The following LRP1B variants were observed in gnomAD, a reference collection of about 807,000 sequenced individuals.
LRP1B encodes LDL receptor related protein 1B, also known as low-density lipoprotein receptor-related protein 1B.
A neutral mutation model predicts 556.6 loss-of-function variants in LRP1B; 217 were observed. That is an observed-to-expected ratio of 0.39 (90% CI 0.35 to 0.44). The LOEUF (loss-of-function observed/expected upper bound fraction) is 0.44. Ranked by LOEUF, LRP1B falls within the 20% of genes least tolerant of loss-of-function variation. The pLI is 1.00. For synonymous variants in LRP1B, 2,047 were observed against 1,865.8 expected, an observed-to-expected ratio of 1.10 and a Z score of -2.50; for missense variants, 5,053 against 5,620.8, an observed-to-expected ratio of 0.90 and a Z score of 3.23.
chr2:142,103,009 T>G (rs1306777963), intron 1 of LRP1B, among the ~76,000 whole-genome samples: 1 of 151,900 alleles, frequency 6.6e-6, no homozygotes. Context: ...AGGATAAACA[T>G]GATCCTCTAG....
chr2:141,079,665 G>C (rs1699876660), intron 7 of LRP1B, among the ~76,000 whole-genome samples: 1 of 152,098 alleles, frequency 6.6e-6, no homozygotes, highest in Non-Finnish European at 1.5e-5. Context: ...ATTTCAGTTA[G>C]AACTTACACT....
At chr2:140,316,697 G>A (rs1374302776) in intron 82 of LRP1B, among the ~76,000 whole-genome samples, 1 of 151,752 alleles carries the variant, frequency 6.6e-6, no homozygotes, top group African/African-American at 2.4e-5. Context: ...AAATACACAA[G>A]TTAACTCAGG....
intron 18 of LRP1B, among the ~76,000 whole-genome samples, chr2:140,959,240 A>G (rs1310617120): frequency 2.6e-5 from 4 of 151,784 alleles, no homozygotes; most frequent in Middle Eastern, 3.4e-3. Context: ...CCTTAACGAG[A>G]GATACAGGAT....
At position 141,837,216 on chromosome 2, in the gene LRP1B, A is replaced by G. The variant is rs546350944; in HGVS notation, c.83-26815T>C. Among the ~76,000 whole-genome samples the G allele has an allele frequency of 3.9e-5, 6 of 152,158 alleles. No homozygotes were observed. In the South Asian group the frequency reaches 1.2e-3, roughly 31 times the overall value. On this transcript the variant is annotated intron_variant, in intron 1 of 90. Coordinates refer to ENST00000389484, the MANE Select transcript of LRP1B (RefSeq NM_018557.3). Reference sequence around the variant, plus strand: ...GTACAGTTCTGCCAGTTCTAAGACCACTAAGAAATAGTAAGGAGAGAGTCA... The same window carrying G: ...GTACAGTTCTGCCAGTTCTAAGACCGCTAAGAAATAGTAAGGAGAGAGTCA...
chr2:141,124,053 A>G (rs1451570822), intron 7 of LRP1B, among the ~76,000 whole-genome samples: 2 of 152,172 alleles, frequency 1.3e-5, no homozygotes, highest in African/African-American at 2.4e-5. Context: ...AGAAAAGAAA[A>G]GTAAATAAAA....
intron 5 of LRP1B, among the ~76,000 whole-genome samples, chr2:141,234,013 A>C (rs2105303914): frequency 6.6e-6 from 1 of 152,274 alleles, no homozygotes; most frequent in Non-Finnish European, 1.5e-5. Context: ...TAGATGAAAA[A>C]AATCCCAGTT....
At chr2:141,541,745 T>A (rs1685268737) in intron 2 of LRP1B, among the ~76,000 whole-genome samples, 3 of 152,050 alleles carry the variant, frequency 2.0e-5, no homozygotes, top group Non-Finnish European at 1.5e-5. Flanking sequence ...ACAATATTTT[T>A]AAAAAATGTA....
chr2:141,417,930 A>T (rs1411450222), intron 3 of LRP1B, among the ~76,000 whole-genome samples: 1 of 152,060 alleles, frequency 6.6e-6, no homozygotes, highest in Non-Finnish European at 1.5e-5. Flanking sequence ...CCTTATAGCT[A>T]TGAGGTAATA....
chr2:140,644,400 TC>T (rs376437009), intron 41 of LRP1B, among the ~76,000 whole-genome samples: 1 of 146,074 alleles, frequency 6.8e-6, no homozygotes, highest in African/African-American at 2.6e-5. Context: ...CTTTCTTTTT[TC>T]TTTTTTTTTT....
intron 2 of LRP1B, among the ~76,000 whole-genome samples, chr2:141,559,096 A>C (rs1686056644): frequency 6.6e-6 from 1 of 151,612 alleles, no homozygotes; most frequent in Admixed American, 6.6e-5. Context: ...CACTATTTTG[A>C]TGCATCATAA....
chr2:140,428,392 C>T (rs1685758404), intron 66 of LRP1B, among the ~76,000 whole-genome samples: 1 of 152,148 alleles, frequency 6.6e-6, no homozygotes, highest in South Asian at 2.1e-4. Flanking sequence ...TCCTCCAGGC[C>T]CGCCTCCCCC....
chr2:140,735,395 C>G (rs944607443), intron 35 of LRP1B, among the ~76,000 whole-genome samples: 1 of 152,018 alleles, frequency 6.6e-6, no homozygotes, highest in Non-Finnish European at 1.5e-5. Context: ...AATGTGAGAG[C>G]CAGATTTGGT....
intron 1 of LRP1B, among the ~76,000 whole-genome samples, chr2:142,124,556 G>A (rs1273174525): frequency 2.7e-5 from 4 of 147,772 alleles, no homozygotes; most frequent in Non-Finnish European, 6.1e-5. Context: ...TTCACAAAAT[G>A]GAGAAATACA....
intron 31 of LRP1B, among the ~76,000 whole-genome samples, chr2:140,834,267 C>T (rs1691821101): frequency 6.6e-6 from 1 of 152,092 alleles, no homozygotes; most frequent in African/African-American, 2.4e-5. Context: ...GAGACGGAGT[C>T]GCTCACTCTG....
At chr2:141,890,391 G>GTATTGTGTATATATATATATATGTAT (rs1558942960) in intron 1 of LRP1B, among the ~76,000 whole-genome samples, 3 of 42,402 alleles carry the variant, frequency 7.1e-5, no homozygotes, top group Non-Finnish European at 1.4e-4. Context: ...TACATATATA[G>GTATTGTGTATATATATATATATGTAT]TGTATATATA....
intron 7 of LRP1B, among the ~76,000 whole-genome samples, chr2:141,171,204 A>G (rs1418547360): frequency 1.3e-5 from 2 of 152,060 alleles, no homozygotes; most frequent in Non-Finnish European, 2.9e-5. Flanking sequence ...TAAAGTCCAT[A>G]GATTACATTG....
intron 3 of LRP1B, among the ~76,000 whole-genome samples, chr2:141,425,988 C>T (rs1680348084): frequency 6.6e-6 from 1 of 150,824 alleles, no homozygotes; most frequent in Non-Finnish European, 1.5e-5. Flanking sequence ...GACATGAAGT[C>T]CTTGCCCATG....
chr2:140,767,724 T>C lies in LRP1B; in HGVS notation c.5758+1489A>G, dbSNP rs954640715. ...CAGGTTAGTTACATATGTATACATG[T>C]GCCATGCTAACTAATATTTTTTCCT... On this transcript the variant is annotated intron_variant, in intron 35 of 90. Coordinates refer to ENST00000389484, the MANE Select transcript of LRP1B (RefSeq NM_018557.3). 4.6e-5 allele frequency among the ~76,000 whole-genome samples: 7 copies of C among 151,900 alleles called. 1 individual carries two copies. The highest frequency in any genetic ancestry group is 3.9e-4 in the Admixed American group (6 of 15,210).
chr2:140,541,360 A>C (rs16844214), intron 44 of LRP1B, among the ~76,000 whole-genome samples: 1 of 152,210 alleles, frequency 6.6e-6, no homozygotes, highest in East Asian at 1.9e-4. Context: ...TTGATGCTTC[A>C]AACTGTAATT....
Sources: allele counts gnomAD v4.1 joint callset (sites outside exome capture counted in the v4.1 genomes callset), GRCh38; gene constraint gnomAD v4.1.1; transcripts MANE v1.5; gene names NCBI Gene and HGNC (gene_info 2026-07-23, HGNC 2026-07-21).